GARRE1: variants seen among roughly 807,000 people sequenced by gnomAD.
GARRE1 encodes granule associated Rac and RHOG effector 1.
A neutral mutation model predicts 103.2 loss-of-function variants in GARRE1; 49 were observed. The ratio of observed to expected loss-of-function variants is 0.47; its 90% CI spans 0.38 to 0.60. The LOEUF (loss-of-function observed/expected upper bound fraction) is 0.60. Among genes scored for constraint, GARRE1 ranks in the 20% least tolerant of loss-of-function variants. The pLI, the probability that GARRE1 is intolerant of heterozygous loss-of-function variation, is 0.00. For missense variants in GARRE1, 1,199 were observed against 1,370.5 expected (o/e 0.87, Z 1.98); for synonymous variants, 505 against 532.8 (o/e 0.95, Z 0.72).
chr19:34,350,120 G>A (rs2074229462), intron 12 of GARRE1, among the ~76,000 whole-genome samples: 1 of 152,160 alleles, frequency 6.6e-6, no homozygotes, highest in Admixed American at 6.5e-5. Flanking sequence ...ATAAAGCAGG[G>A]TATGAGGGTA....
In GARRE1 at chr19:34,288,383, A is replaced by G. The variant is rs551666499; in HGVS notation, c.-795-11296A>G. On this transcript the variant is annotated intron_variant, in intron 1 of 13. Coordinates refer to ENST00000299505, the MANE Select transcript of GARRE1 (RefSeq NM_014686.5). ...TCTTCCACCCCTTCAGTTTCCATAC[A>G]TACAAGAAAGAATGATGTCCTGGAG... Among the ~76,000 whole-genome samples, 3 of 152,270 alleles carry G rather than the reference A, an allele frequency of 2.0e-5. No individual in the cohort carries two copies. The South Asian group carries it at 6.2e-4, about 32-fold the overall frequency.
intron 2 of GARRE1, among the ~76,000 whole-genome samples, chr19:34,310,552 G>A (rs2145251101): frequency 6.6e-6 from 1 of 152,306 alleles, no homozygotes; most frequent in South Asian, 2.1e-4. Context: ...CTCGCACTAG[G>A]GCCCCTCCTG....
chr19:34,255,000 C>T (rs1408282016), intron 1 of GARRE1, among the ~76,000 whole-genome samples: 4 of 151,782 alleles, frequency 2.6e-5, no homozygotes, highest in Non-Finnish European at 4.4e-5. Context: ...GACCCGCTCC[C>T]GGAAGCCCGC....
chr19:34,331,982 T>A (rs1343647266), intron 7 of GARRE1, among the ~76,000 whole-genome samples: 2 of 145,504 alleles, frequency 1.4e-5, no homozygotes, highest in Non-Finnish European at 3.0e-5. Flanking sequence ...TAGAGTAAGA[T>A]CCAGTCTTTA....
chr19:34,284,127 CTTTTTT>C (rs10608784), intron 1 of GARRE1, among the ~76,000 whole-genome samples: 5 of 73,416 alleles, frequency 6.8e-5, no homozygotes, highest in African/African-American at 2.1e-4. Context: ...GCCCGGCTTT[CTTTTTT>C]TTTTTTTTTT....
chr19:34,340,680 G>T (rs2074181627), intron 9 of GARRE1, among the ~76,000 whole-genome samples: 1 of 151,958 alleles, frequency 6.6e-6, no homozygotes, highest in African/African-American at 2.4e-5. Flanking sequence ...ACAGGTGTAC[G>T]CCCAGCTAAT....
At chr19:34,291,514 G>A (rs991234123) in intron 1 of GARRE1, among the ~76,000 whole-genome samples, 3 of 152,144 alleles carry the variant, frequency 2.0e-5, no homozygotes, top group Admixed American at 2.0e-4. Context: ...ATTGGCATCT[G>A]GTGAGGGCCT....
chr19:34,256,637 C>T (rs1045245615), intron 1 of GARRE1, among the ~76,000 whole-genome samples: 1 of 151,824 alleles, frequency 6.6e-6, no homozygotes, highest in African/African-American at 2.4e-5. Context: ...TTGTAAATGG[C>T]TAGTCAGTTC....
chr19:34,321,050 C>CTTTTTTTTTTT (rs33942697), intron 3 of GARRE1, among the ~76,000 whole-genome samples: 1 of 55,734 alleles, frequency 1.8e-5, no homozygotes. Flanking sequence ...AGACAAGATT[C>CTTTTTTTTTTT]TTTTTTTTTT....
intron 1 of GARRE1, among the ~76,000 whole-genome samples, chr19:34,291,009 C>T (rs1220841092): frequency 4.1e-5 from 6 of 145,716 alleles, no homozygotes; most frequent in African/African-American, 1.0e-4. Flanking sequence ...CAGGTTCAAG[C>T]GATTATCCTG....
intron 3 of GARRE1, among the ~76,000 whole-genome samples, chr19:34,323,880 C>G (rs35643376): frequency 6.6e-5 from 10 of 152,324 alleles, no homozygotes; most frequent in Admixed American, 2.6e-4. Flanking sequence ...TCTGCCCTTT[C>G]TACATTCCCT....
intron 13 of GARRE1, among the ~76,000 whole-genome samples, chr19:34,352,203 A>G (rs902485615): frequency 5.3e-5 from 8 of 152,218 alleles, no homozygotes; most frequent in African/African-American, 1.9e-4. Context: ...GGAGATCGAG[A>G]CTATCCTGGC....
rs528175101 is a variant in GARRE1 at position 34,255,951 on chromosome 19, C to G, written c.-796+1337C>G. On this transcript the variant is annotated intron_variant, in intron 1 of 13. Coordinates refer to ENST00000299505, the MANE Select transcript of GARRE1 (RefSeq NM_014686.5). ...TAGCCTCCCGGGTTCGAGCGATTCT[C>G]CTGCTTTAGTCTCCCGAGTAGCTGA... Among the ~76,000 whole-genome samples, 7 of 151,890 alleles carry G rather than the reference C, an allele frequency of 4.6e-5. No homozygotes were observed. The South Asian group carries it at 6.2e-4, about 14-fold the overall frequency.
rs920280856 is a variant in GARRE1, at chr19:34,254,596, G to C, written c.-814G>C. 6.6e-6 allele frequency: 1 copy of C among 151,554 alleles called. No individual in the cohort carries two copies. Among genetic ancestry groups the C allele is most frequent in the African/African-American group, 2.4e-5 (1 of 41,244 alleles). 9.4% of individuals were successfully genotyped at this position (151,554 alleles called of 1,614,324 possible). On this transcript the variant is annotated 5_prime_UTR_variant, in exon 1 of 14. Coordinates refer to ENST00000299505, the MANE Select transcript of GARRE1 (RefSeq NM_014686.5). Reference sequence around the variant, plus strand: ...CAGCCGGTCCAAGGCGGTGCGCTGGGGGCCGGGGCGCGTCGCAGGTGAGGA... The same window carrying C: ...CAGCCGGTCCAAGGCGGTGCGCTGGCGGCCGGGGCGCGTCGCAGGTGAGGA...
chr19:34,300,775 T>C lies in GARRE1; in HGVS notation c.302T>C (p.Phe101Ser). 6.2e-7 allele frequency: 1 copy of C among 1,614,170 alleles called. No homozygotes were observed. The highest frequency in any genetic ancestry group is 1.1e-5 in the South Asian group (1 of 91,084). ...GCCAGTACTTTCCTCACAGATCTCT[T>C]CAGCACTGTGTTCAGGAACTCTCAC... The part of the protein sequence containing the change: ...CRASTFLTDL[F>S]STVFRNSHYS... The change falls in exon 2 of 14, where the codon TTC becomes TCC. Residue 101 changes from phenylalanine (F) to serine (S), a missense_variant. Phe to Ser is a radical substitution (Grantham distance 155). Coordinates refer to ENST00000299505, the MANE Select transcript of GARRE1 (RefSeq NM_014686.5).
chr19:34,271,595 T>G (rs1324836605), intron 1 of GARRE1, among the ~76,000 whole-genome samples: 3 of 152,134 alleles, frequency 2.0e-5, no homozygotes, highest in Non-Finnish European at 4.4e-5. Context: ...GCGCGGTGGC[T>G]CATGTCTGTA....
intron 2 of GARRE1, among the ~76,000 whole-genome samples, chr19:34,308,634 C>T (rs1446210576): frequency 6.6e-6 from 1 of 152,198 alleles, no homozygotes; most frequent in Non-Finnish European, 1.5e-5. Flanking sequence ...GTGGAAGCCA[C>T]CAAGGCCATT....
rs1467955268 is a variant in GARRE1 at position 34,353,697 on chromosome 19, T to C, written c.*742T>C. The C allele has an allele frequency of 6.6e-6, 1 of 152,276 alleles. No homozygotes were observed. The highest frequency in any genetic ancestry group is 1.5e-5 in the Non-Finnish European group (1 of 68,064). 9.4% of individuals were successfully genotyped at this position (152,276 alleles called of 1,614,324 possible). A position where few individuals can be genotyped will look rare whatever the true frequency, so the allele number is the denominator to read the frequency against. Reference sequence around the variant, plus strand: ...GGAACTTGTGCCGGAGGTACACTGCTGAAGGTGCGTGGCGGTGGACCAGCC... The same window carrying C: ...GGAACTTGTGCCGGAGGTACACTGCCGAAGGTGCGTGGCGGTGGACCAGCC... On this transcript the variant is annotated 3_prime_UTR_variant, in exon 14 of 14. Coordinates refer to ENST00000299505, the MANE Select transcript of GARRE1 (RefSeq NM_014686.5).
intron 10 of GARRE1, among the ~76,000 whole-genome samples, chr19:34,345,031 GGTTTCACT>G (rs2074204863): frequency 6.6e-6 from 1 of 152,128 alleles, no homozygotes; most frequent in Non-Finnish European, 1.5e-5. Flanking sequence ...ATAGAGACGG[GGTTTCACT>G]GTGTTAGGCA....
Sources: allele counts gnomAD v4.1 joint callset (sites outside exome capture counted in the v4.1 genomes callset), GRCh38; gene constraint gnomAD v4.1.1; transcripts MANE v1.5; gene names NCBI Gene and HGNC (gene_info 2026-07-23, HGNC 2026-07-21).